PLEC: variants seen among roughly 807,000 people sequenced by gnomAD.
PLEC encodes hemidesmosomal protein 1.
A neutral mutation model predicts 392.8 loss-of-function variants in PLEC; 216 were observed. That is an observed-to-expected ratio of 0.55 (90% CI 0.49 to 0.62). The LOEUF is 0.62. Ranked by LOEUF, PLEC falls within the 20% of genes least tolerant of loss-of-function variation. The pLI is 0.00. For synonymous variants in PLEC, 3,621 were observed against 2,980.6 expected (o/e 1.21, Z -7.00); for missense variants, 6,863 against 6,563.4 (o/e 1.05, Z -1.58).
At chr8:143,943,975 G>A (rs1831001229), upstream of PLEC, 2 of 1,544,466 alleles carry the variant, frequency 1.3e-6, no homozygotes, top group South Asian at 1.2e-5. Context: ...CCTGCGTGCA[G>A]GGCGAGCGAG....
chr8:143,918,302 G>T lies in PLEC; in HGVS notation c.11519C>A (p.Pro3840His). The change falls in exon 32 of 32, where the codon CCC (proline) becomes CAC (histidine). Residue 3840 changes from proline to histidine, a missense_variant. Pro to His is a moderately conservative substitution (Grantham distance 77). Coordinates refer to ENST00000345136, the MANE Select transcript of PLEC (RefSeq NM_201384.3). ...GTCCACGTAGCTGCGCACCTCGCTG[G>T]GCTCTGACAGCTGGTCGTGCGTGTC... Reference protein sequence around the residue: ...NKDTHDQLSEPSEVRSYVDPS... With the variant: ...NKDTHDQLSEHSEVRSYVDPS... 1.3e-6 allele frequency: 2 copies of T among 1,591,816 alleles called. No homozygotes were observed. Among genetic ancestry groups the T allele is most frequent in the Non-Finnish European group, 1.7e-6 (2 of 1,176,382 alleles).
upstream of PLEC, among the ~76,000 whole-genome samples, chr8:143,954,181 C>T (rs1416195267): frequency 1.3e-5 from 2 of 152,138 alleles, no homozygotes; most frequent in Non-Finnish European, 2.9e-5. This position sits in a 1 kb window ranked among gnomAD's most constrained non-coding sequence, Gnocchi z 4.6. Flanking sequence ...AGCCGTTACC[C>T]GCGCCCTGCA....
upstream of PLEC, chr8:143,939,702 G>A (rs1039455643): frequency 2.5e-5 from 33 of 1,334,038 alleles, 1 homozygote; most frequent in Middle Eastern, 2.8e-4. Flanking sequence ...GTGTCCCGGC[G>A]GGAAGGAGCA....
At position 143,925,583 on chromosome 8, in the gene PLEC, C is replaced by A. The variant is rs561225406; in HGVS notation, c.4346G>T (p.Arg1449Leu). 1.9e-6 allele frequency: 3 copies of A among 1,576,946 alleles called. No individual in the cohort carries two copies. The highest frequency in any genetic ancestry group is 8.6e-7 in the Non-Finnish European group (1 of 1,169,354). ...CACCACGCGGATCTCCTCCTCGATG[C>A]GCAGCCGGCTGCGCTCAGCCGCCTC... is the stretch of plus-strand genomic sequence containing the variant. ...QAEAAERSRL[R>L]IEEEIRVVRL... Residue 1449 changes from arginine to leucine, a missense_variant, in exon 31 of 32, where the codon CGC becomes CTC. Arg to Leu is a moderately radical substitution (Grantham distance 102, BLOSUM62 -2). Coordinates refer to ENST00000345136, the MANE Select transcript of PLEC (RefSeq NM_201384.3).
Position 143,924,038 on chromosome 8 carries a change from T to G in PLEC, c.5891A>C (p.Gln1964Pro). The G allele has an allele frequency of 6.3e-7, 1 of 1,595,218 alleles. No individual in the cohort carries two copies. Among genetic ancestry groups the G allele is most frequent in the Non-Finnish European group, 8.5e-7 (1 of 1,177,854 alleles). ...NAEDTLRSKE[Q>P]AELEAARQRQ... is the part of the protein sequence containing the mutation. ...CTGCCTCGCAGCCTCCAGCTCGGCCTGCTCCTTGCTGCGCAGCGTGTCCTC... is the reference window on the plus strand; with the variant it reads ...CTGCCTCGCAGCCTCCAGCTCGGCCGGCTCCTTGCTGCGCAGCGTGTCCTC... The change falls in exon 31 of 32, where the codon CAG (glutamine) becomes CCG (proline). Residue 1964 changes from glutamine (Q) to proline (P), a missense_variant. Physicochemically the swap from Gln to Pro is moderately conservative, Grantham distance 76. Coordinates refer to ENST00000345136, the MANE Select transcript of PLEC (RefSeq NM_201384.3).
In PLEC at chr8:143,926,863, T is replaced by C. The variant is rs55895668; in HGVS notation, c.3965A>G (p.His1322Arg). ...CGTCAGTGTGGTCAGCTCGCTGTAGTGCGTACGCAGGTCCACGTACTGTGG... is the reference window on the plus strand; with the variant it reads ...CGTCAGTGTGGTCAGCTCGCTGTAGCGCGTACGCAGGTCCACGTACTGTGG... ...VIQEYVDLRTHYSELTTLTSQ... is the reference protein window; with the variant it reads ...VIQEYVDLRTRYSELTTLTSQ... The change falls in exon 30 of 32, where the codon CAC becomes CGC. Residue 1322 changes from histidine (H) to arginine (R), a missense_variant. Physicochemically the swap from His to Arg is conservative, Grantham distance 29. Coordinates refer to ENST00000345136, the MANE Select transcript of PLEC (RefSeq NM_201384.3). 695,489 of 1,612,168 alleles carry C rather than the reference T, an allele frequency of 0.43. 159,271 individuals are homozygous for C. The highest frequency in any genetic ancestry group is 0.83 in the African/African-American group (62,450 of 74,994).
intron 28 of PLEC, 41 bp downstream of exon 28, chr8:143,927,211 G>A (rs373287140): frequency 3.7e-5 from 59 of 1,596,102 alleles, no homozygotes; most frequent in Middle Eastern, 1.7e-4. Flanking sequence ...TCCTGGCAAC[G>A]GTCCCGGACT....
chr8:143,920,133 C>A lies in PLEC; in HGVS notation c.9688G>T (p.Ala3230Ser), dbSNP rs782256686. 4 of 1,612,900 alleles carry A rather than the reference C, an allele frequency of 2.5e-6. No homozygotes were observed. Among genetic ancestry groups the A allele is most frequent in the East Asian group, 2.2e-5 (1 of 44,884 alleles). The change falls in exon 32 of 32, where the codon GCC becomes TCC. Residue 3230 changes from alanine (A) to serine (S), a missense_variant. Ala to Ser is a moderately conservative substitution (Grantham distance 99, BLOSUM62 1). Transcript: ENST00000345136. ...GGGGTCTTTTCAAAGGTCTCACGGGCCTGCAGCTCTGAGTAGAGCTCCTCC... is the reference window on the plus strand; with the variant it reads ...GGGGTCTTTTCAAAGGTCTCACGGGACTGCAGCTCTGAGTAGAGCTCCTCC... The part of the protein sequence containing the change: ...RQEELYSELQ[A>S]RETFEKTPVE...
rs374595008 is a variant in PLEC, at chr8:143,918,097, C to A, written c.11724G>T (p.Ala3908=). ...AGGTCAGGCCCTCCCGCAGCTGCAG[C>A]GCCGTGGCCTCGTCCATGACCTGCG... ...VRSQVMDEAT[A]LQLREGLTSI... Residue 3908 remains alanine, a synonymous_variant, in exon 32 of 32, where the codon GCG becomes GCT. Coordinates refer to ENST00000345136, the MANE Select transcript of PLEC (RefSeq NM_201384.3). 1.5e-4 allele frequency: 233 copies of A among 1,596,298 alleles called. No individual in the cohort carries two copies. Among genetic ancestry groups the A allele is most frequent in the Non-Finnish European group, 1.9e-4 (223 of 1,175,284 alleles).
At position 143,918,711 on chromosome 8, in the gene PLEC, G is replaced by A; in HGVS notation, c.11110C>T (p.Leu3704=). 6.2e-7 allele frequency: 1 copy of A among 1,613,018 alleles called. No individual in the cohort carries two copies. Among genetic ancestry groups the A allele is most frequent in the Non-Finnish European group, 8.5e-7 (1 of 1,180,000 alleles). Residue 3704 remains leucine, a synonymous_variant, in exon 32 of 32, where the codon CTG becomes TTG. Transcript: ENST00000345136. ...GVYLPGSRQT[L]SIYQALKKGL... ...TTCTTGAGAGCCTGGTAGATGCTCA[G>A]TGTCTGCCTGGAACCGGGCAGGTAG...
upstream of PLEC, chr8:143,943,996 G>C (rs770825114): frequency 3.3e-6 from 5 of 1,520,892 alleles, no homozygotes; most frequent in South Asian, 1.2e-5. Flanking sequence ...GGGGAGCGCC[G>C]GGACCGGAGC....
intron 5 of PLEC, among the ~76,000 whole-genome samples, chr8:143,936,419 C>A (rs1829069946): frequency 6.6e-6 from 1 of 152,254 alleles, no homozygotes; most frequent in African/African-American, 2.4e-5. Context: ...TGGCCCAGAA[C>A]CCCCAGGCCT....
Position 143,939,312 on chromosome 8 carries a change from C to A in PLEC, c.112+38G>T, listed in dbSNP as rs374624533. The stretch of plus-strand genomic sequence containing the variant: ...TGGGCCTTCCTCCCGCAGGGGCCCG[C>A]CCTGCCTGGCGGGGGTGCCCGAGGG... On this transcript the variant is annotated intron_variant, in intron 1 of 31. Transcript: ENST00000345136. The A allele has an allele frequency of 9.4e-6, 15 of 1,591,844 alleles. No homozygotes were observed. In the Admixed American group the frequency reaches 2.3e-4, roughly 24 times the overall value.
At chr8:143,966,687 C>T (rs977774043) in intron 1 of PLEC, among the ~76,000 whole-genome samples, 84 of 152,260 alleles carry the variant, frequency 5.5e-4, no homozygotes, top group African/African-American at 1.9e-3. Context: ...ATAGTCCCCG[C>T]GTCAGGAAGC....
rs568733727 is a variant in PLEC at position 143,921,299 on chromosome 8, C to T, written c.8522G>A (p.Arg2841His). ...RRGYFDEEMN[R>H]VLADPSDDTK... ...GTCGTCGCTGGGGTCCGCCAGGACG[C>T]GGTTCATCTCCTCGTCGAAGTAGCC... The change falls in exon 32 of 32, where the codon CGC becomes CAC. Residue 2841 changes from arginine (R) to histidine (H), a missense_variant. Transcript: ENST00000345136. 2.4e-5 allele frequency: 38 copies of T among 1,613,996 alleles called. No individual in the cohort carries two copies. The highest frequency in any genetic ancestry group is 2.0e-4 in the South Asian group (18 of 91,084).
Position 143,918,271 on chromosome 8 carries a change from G to C in PLEC, c.11550C>G (p.Ser3850=), listed in dbSNP as rs781907526. The change falls in exon 32 of 32, where the codon TCC becomes TCG. Residue 3850 remains serine, a synonymous_variant. Coordinates refer to ENST00000345136, the MANE Select transcript of PLEC (RefSeq NM_201384.3). ...PSEVRSYVDP[S]TDERLSYTQL... The stretch of plus-strand genomic sequence containing the variant: ...GCGTGTAGCTGAGGCGCTCGTCGGT[G>C]GACGGGTCCACGTAGCTGCGCACCT... The C allele has an allele frequency of 6.3e-7, 1 of 1,592,838 alleles. No individual in the cohort carries two copies. The highest frequency in any genetic ancestry group is 1.1e-5 in the South Asian group (1 of 90,428).
chr8:143,950,136 G>A, intron 1 of PLEC: 1 of 1,462,612 alleles, frequency 6.8e-7, no homozygotes, highest in South Asian at 1.4e-5. Context: ...CCGACAACCA[G>A]ACCCCTACTT....
At chr8:143,972,442 G>A (rs1554744617) in intron 1 of PLEC, among the ~76,000 whole-genome samples, 2 of 152,226 alleles carry the variant, frequency 1.3e-5, no homozygotes, top group African/African-American at 4.8e-5. Flanking sequence ...TGAAGGAGAT[G>A]AGTTCGGGGC....
upstream of PLEC, among the ~76,000 whole-genome samples, chr8:143,952,220 ACGCACGCGCACG>A (rs1554737432): frequency 7.2e-6 from 1 of 139,784 alleles, no homozygotes; most frequent in Non-Finnish European, 1.5e-5. Flanking sequence ...GCGCGCACAC[ACGCACGCGCACG>A]CGCACGCCTG....
Sources: gnomAD v4.1 joint callset for allele counts (sites outside exome capture counted in the v4.1 genomes callset) on GRCh38, gnomAD v4.1.1 for gene constraint, Gnocchi (gnomAD v3.1) non-coding constraint, MANE v1.5 for transcripts, NCBI Gene and HGNC (gene_info 2026-07-23, HGNC 2026-07-21) for gene names.